Variants in LRP4 observed in about 807,000 individuals in gnomAD.
LRP4 encodes the protein LDL receptor related protein 4.
LRP4 carries 95 observed loss-of-function variants against 220.3 expected under a neutral mutation model. The ratio of observed to expected loss-of-function variants is 0.43; its 90% CI spans 0.37 to 0.51. The LOEUF (loss-of-function observed/expected upper bound fraction) is 0.51. Ranked by LOEUF, LRP4 falls within the 20% of genes least tolerant of loss-of-function variation. LRP4 has a pLI of 0.00. For synonymous variants in LRP4, 903 were observed against 954.6 expected (o/e 0.95, Z 1.00); for missense variants, 1,925 against 2,567.0 (o/e 0.75, Z 5.40).
chr11:46,885,984 G>A, intron 18 of LRP4, 107 bp downstream of exon 18: 1 of 955,408 alleles, frequency 1.0e-6, no homozygotes, highest in Non-Finnish European at 1.7e-6. Flanking sequence ...TTGAAGTGAA[G>A]ACAGAAGTGG....
chr11:46,867,895 GC>G, intron 34 of LRP4, 83 bp downstream of exon 34: 1 of 1,528,756 alleles, frequency 6.5e-7, no homozygotes, highest in Non-Finnish European at 9.0e-7. Context: ...TCTCCCAACT[GC>G]CTTATCAAGC....
At chr11:46,897,143 A>G in intron 7 of LRP4, 149 bp from the exon 8 acceptor site, 1 of 1,032,868 alleles carries the variant, frequency 9.7e-7, no homozygotes. Context: ...TGTGAATCAG[A>G]AAAAAGTATC....
intron 20 of LRP4, among the ~76,000 whole-genome samples, chr11:46,880,903 C>G (rs767953366): frequency 1.3e-5 from 2 of 150,928 alleles, no homozygotes; most frequent in Non-Finnish European, 3.0e-5. Context: ...CAGGAAGTCT[C>G]TACCAAAAAA....
chr11:46,889,101 C>G (rs752930145), intron 16 of LRP4, among the ~76,000 whole-genome samples: 4 of 152,202 alleles, frequency 2.6e-5, no homozygotes, highest in Non-Finnish European at 5.9e-5. Flanking sequence ...CCCCTGTTTT[C>G]TAGAAGAGCA....
chr11:46,865,126 A>G lies in LRP4; in HGVS notation c.5148T>C (p.Ala1716=). Reference sequence around the variant, plus strand: ...GGGGTACTCAGGGCTTACCTGGAGCAGCAGGAACAGCGTCATTGGAACGTG... The same window carrying G: ...GGGGTACTCAGGGCTTACCTGGAGCGGCAGGAACAGCGTCATTGGAACGTG... ...LCARSNDAVP[A]APGEGLHISY... is the part of the protein sequence containing the mutation. The change falls in exon 35 of 38, where the codon GCT becomes GCC. Residue 1716 remains alanine, a synonymous_variant. Transcript: ENST00000378623. 1 of 1,562,304 alleles carries G rather than the reference A, an allele frequency of 6.4e-7. No homozygotes were observed. The highest frequency in any genetic ancestry group is 8.7e-7 in the Non-Finnish European group (1 of 1,152,170).
In LRP4 at chr11:46,896,016, G is replaced by A. The variant is rs770865989; in HGVS notation, c.1051C>T (p.Pro351Ser). ...SDESPQQNCR[P>S]RTGEENCNVN... Reference sequence around the variant, plus strand: ...TTGCAGTTCTCCTCACCCGTCCGGGGCCCTGTGCCAGCCAAGCCAGAGTTG... The same window carrying A: ...TTGCAGTTCTCCTCACCCGTCCGGGACCCTGTGCCAGCCAAGCCAGAGTTG... The change falls in exon 10 of 38, where the codon CCC (proline) becomes TCC (serine). Residue 351 changes from proline (P) to serine (S), a missense_variant and splice_region_variant. Transcript: ENST00000378623. The A allele has an allele frequency of 2.5e-6, 4 of 1,613,906 alleles. No homozygotes were observed. Among genetic ancestry groups the A allele is most frequent in the African/African-American group, 2.7e-5 (2 of 74,936 alleles).
Position 46,886,354 on chromosome 11 carries a change from T to A in LRP4, c.2395A>T (p.Arg799Trp). 6.3e-7 allele frequency: 1 copy of A among 1,594,240 alleles called. No homozygotes were observed. The highest frequency in any genetic ancestry group is 1.1e-5 in the South Asian group (1 of 88,968). The change falls in exon 17 of 38, where the codon AGG (arginine) becomes TGG (tryptophan). Residue 799 changes from arginine to tryptophan, a missense_variant. Physicochemically the swap from Arg to Trp is moderately radical, Grantham distance 101 (BLOSUM62 -3). This residue lies in a region of LRP4 where 1,244 missense variants were observed against 1,624.9 expected (regional missense o/e 0.77). Coordinates refer to ENST00000378623, the MANE Select transcript of LRP4 (RefSeq NM_002334.4). ...TGTCCTGTTCCATCCCACTTGGCCC[T>A]GCTGATGGTATCAGTGCTGACATCT... is the stretch of plus-strand genomic sequence containing the variant. ...WTDVSTDTIS[R>W]AKWDGTGQEV...
At chr11:46,907,568 G>GT (rs1941782983) in intron 1 of LRP4, among the ~76,000 whole-genome samples, 1 of 152,170 alleles carries the variant, frequency 6.6e-6, no homozygotes, top group Non-Finnish European at 1.5e-5. Flanking sequence ...CTCATCAGCT[G>GT]TTGTTAATGT....
chr11:46,895,753 A>G (rs1941514309), intron 10 of LRP4, 131 bp downstream of exon 10: 3 of 1,296,700 alleles, frequency 2.3e-6, no homozygotes, highest in Non-Finnish European at 3.3e-6. Context: ...GATGATCCCC[A>G]CCTCCTAGGG....
intron 16 of LRP4, among the ~76,000 whole-genome samples, chr11:46,888,014 C>CAAAAAAAAAAAAAAAA (rs59369000): frequency 2.2e-5 from 1 of 45,912 alleles, no homozygotes; most frequent in African/African-American, 1.4e-4. Flanking sequence ...GACCCTGTCT[C>CAAAAAAAAAAAAAAAA]AAAAAAAAAA....
chr11:46,859,701 G>A (rs553009687), intron 37 of LRP4, among the ~76,000 whole-genome samples: 1 of 152,262 alleles, frequency 6.6e-6, no homozygotes, highest in Admixed American at 6.5e-5. Flanking sequence ...GATGATACAT[G>A]GAATGCAGTT....
chr11:46,868,493 A>G (rs1565777912), intron 33 of LRP4, 107 bp downstream of exon 33: 2 of 867,996 alleles, frequency 2.3e-6, no homozygotes, highest in East Asian at 4.9e-5. Context: ...GACCTTCTTT[A>G]TGGGGATCCC....
chr11:46,858,949 A>T lies in LRP4; in HGVS notation c.*34T>A. ...AAGGACTAGACGTCCATAAAGGAGA[A>T]GGAACAGGCAGGCAGGGAAGAGAAT... On this transcript the variant is annotated 3_prime_UTR_variant, in exon 38 of 38. Transcript: ENST00000378623. The T allele has an allele frequency of 1.3e-6, 2 of 1,597,886 alleles. No homozygotes were observed. The highest frequency in any genetic ancestry group is 1.7e-6 in the Non-Finnish European group (2 of 1,166,310).
chr11:46,860,969 T>G, intron 37 of LRP4: 1 of 984,494 alleles, frequency 1.0e-6, no homozygotes, highest in Non-Finnish European at 1.2e-6. Flanking sequence ...GGTGAAAGAC[T>G]ATCAGAGGGG....
intron 20 of LRP4, among the ~76,000 whole-genome samples, chr11:46,880,983 G>A (rs922202731): frequency 6.8e-6 from 1 of 146,432 alleles, no homozygotes; most frequent in East Asian, 2.0e-4. Context: ...CTAGTAGGTC[G>A]AGGGTGCAGT....
At position 46,890,147 on chromosome 11, in the gene LRP4, T is replaced by C. The variant is rs749634946; in HGVS notation, c.1916-27A>G. The C allele has an allele frequency of 1.1e-5, 17 of 1,612,366 alleles. No individual in the cohort carries two copies. Among genetic ancestry groups the C allele is most frequent in the South Asian group, 2.2e-5 (2 of 91,054 alleles). ...TGGGGAAAGTCCAGGAAGACCTCAG[T>C]CTGGACGTGGTCTGCCATGTCCCCT... is the stretch of plus-strand genomic sequence containing the variant. On this transcript the variant is annotated intron_variant, in intron 14 of 37. Coordinates refer to ENST00000378623, the MANE Select transcript of LRP4 (RefSeq NM_002334.4). The surrounding 1 kb of genome is among the most constrained non-coding windows in gnomAD (Gnocchi z 5.3).
chr11:46,918,403 G>C lies in LRP4; in HGVS notation c.-24C>G, dbSNP rs1221276989. 5.0e-6 allele frequency: 7 copies of C among 1,397,730 alleles called. 1 individual carries two copies. The South Asian group carries it at 9.2e-5, about 18-fold the overall frequency. The allele number at this position is 1,397,730 out of a possible 1,614,324, so 86.6% of individuals were successfully genotyped here. A position where few individuals can be genotyped will look rare whatever the true frequency, so the allele number is the denominator to read the frequency against. Reference sequence around the variant, plus strand: ...ATGGTGCCGCCCGCGCCGCTCGCCCGGGGTCCCGCCGGCTCCCGCCGGACG... The same window carrying C: ...ATGGTGCCGCCCGCGCCGCTCGCCCCGGGTCCCGCCGGCTCCCGCCGGACG... On this transcript the variant is annotated 5_prime_UTR_variant, in exon 1 of 38. Coordinates refer to ENST00000378623, the MANE Select transcript of LRP4 (RefSeq NM_002334.4). This position sits in a 1 kb window ranked among gnomAD's most constrained non-coding sequence, Gnocchi z 6.0.
chr11:46,862,808 A>G (rs753988656), intron 36 of LRP4, 61 bp from the exon 37 acceptor site: 25 of 1,498,254 alleles, frequency 1.7e-5, no homozygotes, highest in Non-Finnish European at 2.2e-5. Flanking sequence ...TACCTGGGAA[A>G]GCTGTAAACT....
At chr11:46,911,508 G>A (rs1387818972) in intron 1 of LRP4, among the ~76,000 whole-genome samples, 1 of 150,594 alleles carries the variant, frequency 6.6e-6, no homozygotes, top group Non-Finnish European at 1.5e-5. Context: ...CTCTTCTCCT[G>A]AGCCCATGAG....
Sources: allele counts gnomAD v4.1 joint callset (sites outside exome capture counted in the v4.1 genomes callset), GRCh38; gene constraint gnomAD v4.1.1; regional missense constraint gnomAD v4.1.1; non-coding constraint Gnocchi (gnomAD v3.1); transcripts MANE v1.5; gene names NCBI Gene and HGNC (gene_info 2026-07-23, HGNC 2026-07-21).